Variants in MUTYH observed in about 807,000 individuals in gnomAD.
MUTYH encodes the protein mutY DNA glycosylase, also known as adenine DNA glycosylase.
In MUTYH, 64 loss-of-function variants were observed where a neutral mutation model predicts 72.9. The ratio of observed to expected loss-of-function variants is 0.88; its 90% confidence interval spans 0.72 to 1.08. The LOEUF (loss-of-function observed/expected upper bound fraction) is 1.08, where lower values mean the gene tolerates loss of function less well. Among genes scored for constraint, MUTYH ranks in the 50% least tolerant of loss-of-function variants. The probability of loss-of-function intolerance (pLI) is 0.00; values close to 1 mark genes in which losing one functional copy is unlikely to be tolerated. For synonymous variants in MUTYH, 234 were observed against 263.1 expected, an observed-to-expected ratio of 0.89 and a Z score of 1.07; for missense variants, 633 against 671.0, an observed-to-expected ratio of 0.94 and a Z score of 0.63.
chr1:45,339,962 G>A lies in MUTYH; in HGVS notation c.-70C>T, dbSNP rs974766644. The A allele has an allele frequency of 6.6e-7, 1 of 1,515,636 alleles. No individual in the cohort carries two copies. The highest frequency in any genetic ancestry group is 2.6e-5 in the East Asian group (1 of 37,946). The allele number at this position is 1,515,636 out of a possible 1,614,324, so 93.9% of individuals were successfully genotyped here. Reference sequence around the variant, plus strand: ...CCCCGCGTTCCCGCCGCGAGAGCAGGAGAGAAAGATTACCTCCCGCGAGCT... The same window carrying A: ...CCCCGCGTTCCCGCCGCGAGAGCAGAAGAGAAAGATTACCTCCCGCGAGCT... On this transcript the variant is annotated 5_prime_UTR_variant, in exon 1 of 16. Coordinates refer to ENST00000456914, the MANE Select transcript of MUTYH (RefSeq NM_001048174.2).
intron 1 of MUTYH, chr1:45,338,432 C>T: frequency 2.5e-6 from 1 of 398,396 alleles, no homozygotes; most frequent in Non-Finnish European, 4.9e-6. Context: ...TATCATTTTT[C>T]AAGTCTTGAC....
rs768239149 is a variant in MUTYH at position 45,331,263 on chromosome 1, T to G, written c.1311A>C (p.Pro437=). The G allele has an allele frequency of 6.8e-6, 11 of 1,614,064 alleles. No individual in the cohort carries two copies. The Admixed American group carries it at 1.7e-4, about 24-fold the overall frequency. Residue 437 remains proline, a synonymous_variant, in exon 14 of 16, where the codon CCA becomes CCC. Transcript: ENST00000456914. ...VYGLALEGQT[P]VTTVPPGARW... is the part of the protein sequence containing the mutation. Reference sequence around the variant, plus strand: ...GAGCACCTGGTGGTACGGTGGTCACTGGGGTCTGCCCTTCCAAGGCCAGCC... The same window carrying G: ...GAGCACCTGGTGGTACGGTGGTCACGGGGGTCTGCCCTTCCAAGGCCAGCC...
intron 10 of MUTYH, 27 bp from the exon 11 acceptor site, chr1:45,332,113 A>T: frequency 1.2e-6 from 2 of 1,614,208 alleles, no homozygotes; most frequent in Non-Finnish European, 1.7e-6. Context: ...TGAGTGTCAT[A>T]GGGCAGAGTC....
rs776719541 is a variant in MUTYH at position 45,333,424 on chromosome 1, A to G, written c.253T>C (p.Trp85Arg). The change falls in exon 3 of 16, where the codon TGG becomes CGG. Residue 85 changes from tryptophan (W) to arginine (R), a missense_variant. Coordinates refer to ENST00000456914, the MANE Select transcript of MUTYH (RefSeq NM_001048174.2). Reference sequence around the variant, plus strand: ...CCTCGCCTGCCTACCCGTCTTCTCCATGGTAGGTCCCGTTTCTCTTGGTCG... The same window carrying G: ...CCTCGCCTGCCTACCCGTCTTCTCCGTGGTAGGTCCCGTTTCTCTTGGTCG... The part of the protein sequence containing the change: ...WYDQEKRDLP[W>R]RRRAEDEMDL... 1.9e-6 allele frequency: 3 copies of G among 1,613,986 alleles called. No homozygotes were observed. Among genetic ancestry groups the G allele is most frequent in the Non-Finnish European group, 2.5e-6 (3 of 1,179,996 alleles).
chr1:45,338,851 G>A (rs1646420333), intron 1 of MUTYH, among the ~76,000 whole-genome samples: 2 of 151,552 alleles, frequency 1.3e-5, no homozygotes, highest in South Asian at 2.1e-4. Flanking sequence ...CTGCAGCCTC[G>A]ACCTCCTGGG....
In MUTYH at chr1:45,330,515, C is replaced by A. The variant is rs876659420; in HGVS notation, c.1434+1G>T. On this transcript the variant is annotated splice_donor_variant, in intron 15 of 15. Coordinates refer to ENST00000456914, the MANE Select transcript of MUTYH (RefSeq NM_001048174.2). LOFTEE classifies it high-confidence loss of function. ...GGTTGGGAGAGGCCTAGGAGACTTACCATACAGGTCCCTGGCTGTTGGCCC... is the reference window on the plus strand; with the variant it reads ...GGTTGGGAGAGGCCTAGGAGACTTAACATACAGGTCCCTGGCTGTTGGCCC... 6.2e-7 allele frequency: 1 copy of A among 1,609,110 alleles called. No individual in the cohort carries two copies. The highest frequency in any genetic ancestry group is 8.5e-7 in the Non-Finnish European group (1 of 1,177,500).
intron 1 of MUTYH, chr1:45,338,744 G>GGT (rs1646366979): frequency 1.0e-5 from 1 of 96,478 alleles, no homozygotes; most frequent in Non-Finnish European, 2.7e-5. Flanking sequence ...TTTTATTTTT[G>GGT]TTTTTTTTTT....
chr1:45,340,198 C>G, upstream of MUTYH: 1 of 1,613,480 alleles, frequency 6.2e-7, no homozygotes, highest in Non-Finnish European at 8.5e-7. Flanking sequence ...CGCCAGGAGA[C>G]GGACCGCAAG....
chr1:45,330,584 G>A lies in MUTYH; in HGVS notation c.1393-27C>T, dbSNP rs368262332. 3.2e-5 allele frequency: 52 copies of A among 1,601,618 alleles called. No individual in the cohort carries two copies. The African/African-American group carries it at 6.6e-4, about 20-fold the overall frequency. On this transcript the variant is annotated intron_variant, in intron 14 of 15. Coordinates refer to ENST00000456914, the MANE Select transcript of MUTYH (RefSeq NM_001048174.2). ...TAGACAAGAAGACAGGGAGGTGAGG[G>A]CTGGCACTTTTTGCAAAAGAGATAA...
In MUTYH at chr1:45,334,525, A is replaced by C. The variant is rs587781284; in HGVS notation, c.-6-14T>G. On this transcript the variant is annotated splice_polypyrimidine_tract_variant and intron_variant, in intron 1 of 15. Transcript: ENST00000456914. ...CCTCATGATGGCCTGAAACAAAAAG[A>C]CCCAGCCAAAGCAGTCAGTCACAAT... The C allele has an allele frequency of 6.2e-7, 1 of 1,613,848 alleles. No homozygotes were observed.
chr1:45,332,443 C>A lies in MUTYH; in HGVS notation c.652G>T (p.Val218Phe), dbSNP rs587780749. The A allele has an allele frequency of 1.9e-5, 30 of 1,614,004 alleles. No homozygotes were observed. The Admixed American group carries it at 3.3e-4, about 18-fold the overall frequency. ...CTGGGATCAGCACCAATGGCTCGGA[C>A]ACGGCACAGCACCCGTGCTACGTTG... is the stretch of plus-strand genomic sequence containing the variant. ...DGNVARVLCRVRAIGADPSST... is the reference protein window; with the variant it reads ...DGNVARVLCRFRAIGADPSST... The change falls in exon 9 of 16, where the codon GTC (valine) becomes TTC (phenylalanine). Residue 218 changes from valine (V) to phenylalanine (F), a missense_variant. Physicochemically the swap from Val to Phe is conservative, Grantham distance 50 (BLOSUM62 -1). Coordinates refer to ENST00000456914, the MANE Select transcript of MUTYH (RefSeq NM_001048174.2).
intron 1 of MUTYH, chr1:45,338,454 A>C: frequency 2.6e-6 from 1 of 388,720 alleles, no homozygotes; most frequent in East Asian, 4.2e-5. Context: ...GAAATGTCCA[A>C]ATCAGGTCCC....
At chr1:45,331,096 C>CT in intron 14 of MUTYH, 86 bp downstream of exon 14, 3 of 1,577,736 alleles carry the variant, frequency 1.9e-6, no homozygotes, top group Non-Finnish European at 1.7e-6. Flanking sequence ...AAAAAAAATG[C>CT]TTTTTTTCCT....
chr1:45,339,792 C>A (rs1646678073), intron 1 of MUTYH, 107 bp downstream of exon 1: 2 of 1,262,014 alleles, frequency 1.6e-6, no homozygotes, highest in Non-Finnish European at 2.1e-6. Flanking sequence ...CCTTCTTTCC[C>A]CCACACGACC....
At position 45,339,940 on chromosome 1, in the gene MUTYH, C is replaced by G. The variant is rs770414609; in HGVS notation, c.-48G>C. On this transcript the variant is annotated 5_prime_UTR_variant, in exon 1 of 16. Coordinates refer to ENST00000456914, the MANE Select transcript of MUTYH (RefSeq NM_001048174.2). Reference sequence around the variant, plus strand: ...TGAAGACAGCAGAACACGGAGGCCCCGCGTTCCCGCCGCGAGAGCAGGAGA... The same window carrying G: ...TGAAGACAGCAGAACACGGAGGCCCGGCGTTCCCGCCGCGAGAGCAGGAGA... The G allele has an allele frequency of 6.8e-7, 1 of 1,475,990 alleles. No individual in the cohort carries two copies. The highest frequency in any genetic ancestry group is 1.2e-5 in the South Asian group (1 of 83,460). The allele number at this position is 1,475,990 out of a possible 1,614,324, so 91.4% of individuals were successfully genotyped here.
chr1:45,338,059 G>A, intron 1 of MUTYH: 4 of 476,238 alleles, frequency 8.4e-6, no homozygotes, highest in South Asian at 6.3e-5. Context: ...CCCAAGGAGG[G>A]TGCCTGGTAT....
chr1:45,337,410 G>A (rs541770699), intron 1 of MUTYH, among the ~76,000 whole-genome samples: 2 of 152,174 alleles, frequency 1.3e-5, no homozygotes, highest in South Asian at 2.1e-4. Flanking sequence ...AACCCGCCTC[G>A]GCCTCCCAAA....
Position 45,329,341 on chromosome 1 carries a change from T to C in MUTYH, c.1531A>G (p.Thr511Ala), listed in dbSNP as rs151196169. Residue 511 changes from threonine to alanine, a missense_variant, in exon 16 of 16, where the codon ACT (threonine) becomes GCT (alanine). Coordinates refer to ENST00000456914, the MANE Select transcript of MUTYH (RefSeq NM_001048174.2). ...GCACTGTTGAGGCTGTGTGCATCAGTGGAGATGTGAGACCGAAAGAAATTA... is the reference window on the plus strand; with the variant it reads ...GCACTGTTGAGGCTGTGTGCATCAGCGGAGATGTGAGACCGAAAGAAATTA... The part of the protein sequence containing the change: ...LDNFFRSHIS[T>A]DAHSLNSAAQ 9.3e-6 allele frequency: 15 copies of C among 1,614,108 alleles called. No individual in the cohort carries two copies. Among genetic ancestry groups the C allele is most frequent in the African/African-American group, 4.0e-5 (3 of 75,004 alleles).
At chr1:45,331,948 G>T in intron 11 of MUTYH, 75 bp downstream of exon 11, 1 of 1,612,282 alleles carries the variant, frequency 6.2e-7, no homozygotes, top group Non-Finnish European at 8.5e-7. Flanking sequence ...TCTTACTCAG[G>T]TTAGAGGAAG....
Sources: allele counts gnomAD v4.1 joint callset (sites outside exome capture counted in the v4.1 genomes callset), GRCh38; gene constraint gnomAD v4.1.1; transcripts MANE v1.5; gene names NCBI Gene and HGNC (gene_info 2026-07-23, HGNC 2026-07-21).